MAP3K13: variants seen among roughly 807,000 people sequenced by gnomAD.
MAP3K13 encodes the protein leucine zipper-bearing kinase.
A neutral mutation model predicts 104.0 loss-of-function variants in MAP3K13; 52 were observed. The observed-to-expected ratio is 0.50, with a 90% CI of 0.40 to 0.63. The LOEUF is 0.63. MAP3K13 is among the 20% of genes least tolerant of loss of function. MAP3K13 has a pLI of 0.00. For missense variants in MAP3K13, 914 were observed against 1,218.5 expected (o/e 0.75, Z 3.72); for synonymous variants, 394 against 442.2 (o/e 0.89, Z 1.37).
intron 10 of MAP3K13, among the ~76,000 whole-genome samples, chr3:185,471,751 C>T (rs780555689): frequency 1.3e-5 from 2 of 152,152 alleles, no homozygotes; most frequent in Admixed American, 6.5e-5. Flanking sequence ...TGAGCCACCA[C>T]GCCCGGCCGA....
At chr3:185,404,517 C>G (rs1333267457) in intron 1 of MAP3K13, among the ~76,000 whole-genome samples, 7 of 152,172 alleles carry the variant, frequency 4.6e-5, no homozygotes, top group African/African-American at 1.4e-4. Context: ...GGTTGGCAAT[C>G]AGACCAGCTT....
intron 2 of MAP3K13, among the ~76,000 whole-genome samples, chr3:185,287,377 T>C (rs1431033124): frequency 6.6e-6 from 1 of 152,216 alleles, no homozygotes; most frequent in Non-Finnish European, 1.5e-5. Flanking sequence ...TTTCGAAGAA[T>C]AGCTTGTTCT....
chr3:185,448,141 G>T (rs1350540292), intron 5 of MAP3K13, 194 bp downstream of exon 5: 1 of 755,380 alleles, frequency 1.3e-6, no homozygotes, highest in Non-Finnish European at 2.4e-6. Flanking sequence ...GGGGAATTAG[G>T]GTGGCTATCT....
rs1369218894 is a variant in MAP3K13 at position 185,450,074 on chromosome 3, C to G, written c.1169+16C>G. The stretch of plus-strand genomic sequence containing the variant: ...AACAGACGTGGTAAGAATATTGTCT[C>G]TAAAACAATAGGGAGGTCTCTAATG... On this transcript the variant is annotated intron_variant, in intron 6 of 13. Transcript: ENST00000265026. This position sits in a 1 kb window ranked among gnomAD's most constrained non-coding sequence, Gnocchi z 4.2. The G allele has an allele frequency of 3.1e-6, 5 of 1,593,878 alleles. No individual in the cohort carries two copies. Among genetic ancestry groups the G allele is most frequent in the Non-Finnish European group, 2.6e-6 (3 of 1,170,782 alleles).
chr3:185,460,830 G>A (rs1254455358), intron 7 of MAP3K13, among the ~76,000 whole-genome samples: 7 of 152,118 alleles, frequency 4.6e-5, no homozygotes, highest in African/African-American at 1.7e-4. Context: ...TGAGTTTCCC[G>A]TAATTATAAG....
At chr3:185,345,708 A>T (rs1005792464) in intron 2 of MAP3K13, among the ~76,000 whole-genome samples, 1 of 152,140 alleles carries the variant, frequency 6.6e-6, no homozygotes, top group African/African-American at 2.4e-5. Context: ...GAAAAAAAGC[A>T]CAGGGCTCCC....
intron 1 of MAP3K13, among the ~76,000 whole-genome samples, chr3:185,376,985 A>G (rs1336347734): frequency 6.6e-6 from 1 of 152,142 alleles, no homozygotes; most frequent in Non-Finnish European, 1.5e-5. Flanking sequence ...GCTGGGATGA[A>G]GGGTGCAAGG....
chr3:185,480,600 C>G, intron 13 of MAP3K13, 71 bp downstream of exon 13: 1 of 1,475,196 alleles, frequency 6.8e-7, no homozygotes, highest in Non-Finnish European at 9.1e-7. Flanking sequence ...TCTCTAGGGC[C>G]TTTACAATTT....
At chr3:185,391,292 G>A (rs1198081376) in intron 1 of MAP3K13, among the ~76,000 whole-genome samples, 1 of 152,122 alleles carries the variant, frequency 6.6e-6, no homozygotes, top group African/African-American at 2.4e-5. Context: ...TTTGAGTACT[G>A]TAAGTACCAC....
At chr3:185,317,701 C>T (rs984955707) in intron 2 of MAP3K13, among the ~76,000 whole-genome samples, 1 of 151,920 alleles carries the variant, frequency 6.6e-6, no homozygotes, top group Non-Finnish European at 1.5e-5. Context: ...TATAATTGAC[C>T]CTACATCGTG....
intron 10 of MAP3K13, among the ~76,000 whole-genome samples, chr3:185,469,780 C>G (rs184502708): frequency 6.6e-6 from 1 of 152,304 alleles, no homozygotes; most frequent in African/African-American, 2.4e-5. Flanking sequence ...TCAAAGTCTT[C>G]GTGTTTAACA....
chr3:185,321,408 T>G (rs1002201753), intron 2 of MAP3K13, among the ~76,000 whole-genome samples: 1 of 152,254 alleles, frequency 6.6e-6, no homozygotes, highest in Non-Finnish European at 1.5e-5. Context: ...ACTCTCAGCA[T>G]GTAGCTAAGC....
intron 1 of MAP3K13, among the ~76,000 whole-genome samples, chr3:185,406,111 T>G (rs1713099929): frequency 6.6e-6 from 1 of 151,600 alleles, no homozygotes; most frequent in South Asian, 2.1e-4. Context: ...GTAGTAAGAG[T>G]TCAATATCAG....
chr3:185,285,540 G>C (rs1057045751), exon 2 of MAP3K13: 23 of 1,306,074 alleles, frequency 1.8e-5, no homozygotes, highest in Non-Finnish European at 2.4e-5. Context: ...TGAAATCTAT[G>C]GACTCTAAAA....
chr3:185,339,841 A>T (rs1200294919), intron 2 of MAP3K13, among the ~76,000 whole-genome samples: 1 of 152,268 alleles, frequency 6.6e-6, no homozygotes, highest in Non-Finnish European at 1.5e-5. Context: ...AATGGTGAAA[A>T]GAAAATAAAA....
chr3:185,448,185 G>A, intron 5 of MAP3K13: 1 of 608,222 alleles, frequency 1.6e-6, no homozygotes, highest in East Asian at 2.9e-5. Context: ...GGACCTCAGA[G>A]AATATGCTGA....
At chr3:185,445,498 G>A (rs966050523) in intron 4 of MAP3K13, among the ~76,000 whole-genome samples, 1 of 152,152 alleles carries the variant, frequency 6.6e-6, no homozygotes, top group African/African-American at 2.4e-5. Context: ...TAAAGGACAT[G>A]AACTACCTGA....
chr3:185,304,695 G>A (rs936466242), intron 2 of MAP3K13, among the ~76,000 whole-genome samples: 12 of 151,888 alleles, frequency 7.9e-5, no homozygotes, highest in East Asian at 1.9e-4. Flanking sequence ...GTACAGTGGC[G>A]CGATCTTGGC....
At chr3:185,455,574 A>AGATATATGACATATATCT (rs1716553686) in intron 7 of MAP3K13, among the ~76,000 whole-genome samples, 2 of 5,910 alleles carry the variant, frequency 3.4e-4, no homozygotes, top group African/African-American at 7.4e-4. Flanking sequence ...GATATATATG[A>AGATATATGACATATATCT]CATATATATG....
Sources: gnomAD v4.1 joint callset for allele counts (sites outside exome capture counted in the v4.1 genomes callset) on GRCh38, gnomAD v4.1.1 for gene constraint, Gnocchi (gnomAD v3.1) non-coding constraint, MANE v1.5 for transcripts, NCBI Gene and HGNC (gene_info 2026-07-23, HGNC 2026-07-21) for gene names.